Variants in HCN1 observed in about 807,000 individuals in gnomAD.
HCN1 encodes hyperpolarization activated cyclic nucleotide gated potassium channel 1.
HCN1 carries 13 observed loss-of-function variants against 78.9 expected under a neutral mutation model. The ratio of observed to expected loss-of-function variants is 0.16; its 90% CI spans 0.11 to 0.26. HCN1 has a LOEUF of 0.26. HCN1 is among the 10% of genes least tolerant of loss of function. The pLI, the probability that HCN1 is intolerant of heterozygous loss-of-function variation, is 1.00. For missense variants in HCN1, 810 were observed against 1,154.3 expected (o/e 0.70, Z 4.32); for synonymous variants, 552 against 455.5 (o/e 1.21, Z -2.70).
In HCN1 at chr5:45,588,290, C is replaced by T. The variant is rs373122919; in HGVS notation, c.849+56895G>A. On this transcript the variant is annotated intron_variant, in intron 2 of 7. Coordinates refer to ENST00000303230, the MANE Select transcript of HCN1 (RefSeq NM_021072.4). ...AGACACAATGAATTAATAAGTTTGT[C>T]CCCATAGGTAGAATCACAGTGAGTA... 9.9e-5 allele frequency among the ~76,000 whole-genome samples: 15 copies of T among 152,226 alleles called. No individual in the cohort carries two copies. The South Asian group carries it at 3.1e-3, about 32-fold the overall frequency.
At chr5:45,275,039 A>T (rs1009004775) in intron 6 of HCN1, among the ~76,000 whole-genome samples, 17 of 152,342 alleles carry the variant, frequency 1.1e-4, no homozygotes, top group African/African-American at 4.1e-4. Flanking sequence ...TGAGGTCAGG[A>T]GTTTAAGACC....
intron 5 of HCN1, among the ~76,000 whole-genome samples, chr5:45,338,135 G>A (rs1158504408): frequency 6.6e-6 from 1 of 152,090 alleles, no homozygotes; most frequent in Non-Finnish European, 1.5e-5. Context: ...ATAAAACATA[G>A]TACAGACTTA....
intron 2 of HCN1, among the ~76,000 whole-genome samples, chr5:45,517,578 TA>T (rs1428664731): frequency 2.3e-5 from 2 of 86,580 alleles, no homozygotes; most frequent in African/African-American, 4.5e-5. Flanking sequence ...ATTGCCAAGA[TA>T]AAAAAGCTGT....
At chr5:45,528,794 T>C (rs918610306) in intron 2 of HCN1, among the ~76,000 whole-genome samples, 15 of 152,098 alleles carry the variant, frequency 9.9e-5, no homozygotes, top group Admixed American at 7.2e-4. Flanking sequence ...ATTTTGAGTC[T>C]CAATCATAAG....
intron 2 of HCN1, among the ~76,000 whole-genome samples, chr5:45,639,422 T>A (rs564389388): frequency 3.9e-5 from 6 of 152,346 alleles, no homozygotes; most frequent in Admixed American, 3.3e-4. Context: ...TCCATATGCT[T>A]CATTTCATTT....
At chr5:45,664,665 AG>A (rs1388750541) in intron 1 of HCN1, among the ~76,000 whole-genome samples, 34 of 151,944 alleles carry the variant, frequency 2.2e-4, no homozygotes, top group Admixed American at 2.2e-3. Flanking sequence ...TCTCAAAAGA[AG>A]ACATTTATGC....
chr5:45,448,694 C>A (rs763301394), intron 3 of HCN1, among the ~76,000 whole-genome samples: 22 of 152,224 alleles, frequency 1.4e-4, no homozygotes, highest in Admixed American at 1.4e-3. Flanking sequence ...TCTCAGCTAC[C>A]TGAAATTATT....
intron 7 of HCN1, among the ~76,000 whole-genome samples, chr5:45,263,267 C>T (rs189133884): frequency 1.1e-4 from 16 of 151,932 alleles, no homozygotes; most frequent in Admixed American, 1.3e-4. Flanking sequence ...ATGTAACCCG[C>T]GACCCTGTCA....
chr5:45,469,144 A>G (rs1214458349), intron 2 of HCN1, among the ~76,000 whole-genome samples: 4 of 151,920 alleles, frequency 2.6e-5, no homozygotes, highest in Non-Finnish European at 2.9e-5. Context: ...ATCTACCCAA[A>G]TCTTTATAAT....
At chr5:45,380,924 A>C (rs546737819) in intron 4 of HCN1, among the ~76,000 whole-genome samples, 32 of 152,316 alleles carry the variant, frequency 2.1e-4, no homozygotes, top group African/African-American at 6.5e-4. Flanking sequence ...CTTCCAGAGA[A>C]AATGGCACAG....
rs1261289226 is a variant in HCN1, at chr5:45,260,410, GA to G, written c.*1510del. ...GCTCACAGATCATGTAAAGAGTTAA[GA>G]AAACAGACAGACAATGCTCATAGAC... On this transcript the variant is annotated 3_prime_UTR_variant, in exon 8 of 8. Transcript: ENST00000303230. 3.9e-5 allele frequency: 6 copies of G among 152,172 alleles called. No individual in the cohort carries two copies. The highest frequency in any genetic ancestry group is 3.3e-4 in the Admixed American group (5 of 15,282). 9.4% of individuals were successfully genotyped at this position (152,172 alleles called of 1,614,324 possible).
chr5:45,458,996 A>C (rs1741087404), intron 3 of HCN1, among the ~76,000 whole-genome samples: 1 of 152,172 alleles, frequency 6.6e-6, no homozygotes, highest in Non-Finnish European at 1.5e-5. Flanking sequence ...CCAAAACTCC[A>C]TAACTTTAGA....
chr5:45,394,094 A>G (rs1219413499), intron 4 of HCN1, among the ~76,000 whole-genome samples: 3 of 152,206 alleles, frequency 2.0e-5, no homozygotes, highest in African/African-American at 7.2e-5. Flanking sequence ...AAAACACTTG[A>G]AACAAATTCA....
chr5:45,496,186 C>T (rs1280916164), intron 2 of HCN1, among the ~76,000 whole-genome samples: 1 of 152,086 alleles, frequency 6.6e-6, no homozygotes, highest in African/African-American at 2.4e-5. Flanking sequence ...GTACCAGTTC[C>T]TCCTTGTACC....
chr5:45,620,627 G>A (rs376873007), intron 2 of HCN1, among the ~76,000 whole-genome samples: 7 of 151,670 alleles, frequency 4.6e-5, no homozygotes, highest in African/African-American at 1.2e-4. Context: ...ATTTACAGTC[G>A]AAAGGGAGGG....
intron 5 of HCN1, among the ~76,000 whole-genome samples, chr5:45,322,548 A>G (rs1746145660): frequency 6.6e-6 from 1 of 151,804 alleles, no homozygotes; most frequent in African/African-American, 2.4e-5. Flanking sequence ...AATCTTGGGG[A>G]TGGGATTCAA....
At chr5:45,427,162 G>A (rs1740368758) in intron 3 of HCN1, among the ~76,000 whole-genome samples, 1 of 151,982 alleles carries the variant, frequency 6.6e-6, no homozygotes, top group Non-Finnish European at 1.5e-5. Context: ...TTGGTCAGCT[G>A]TATTTTTCTT....
At chr5:45,376,685 A>G (rs933642233) in intron 4 of HCN1, among the ~76,000 whole-genome samples, 3 of 151,916 alleles carry the variant, frequency 2.0e-5, no homozygotes, top group African/African-American at 7.2e-5. Context: ...TTATATCTTC[A>G]TGAGGACCCT....
chr5:45,379,090 A>C (rs759023419), intron 4 of HCN1, among the ~76,000 whole-genome samples: 5 of 152,232 alleles, frequency 3.3e-5, no homozygotes, highest in Non-Finnish European at 4.4e-5. Context: ...ATGCGTGTGC[A>C]TGTGTCTTTA....
Sources: allele counts gnomAD v4.1 joint callset (sites outside exome capture counted in the v4.1 genomes callset), GRCh38; gene constraint gnomAD v4.1.1; transcripts MANE v1.5; gene names NCBI Gene and HGNC (gene_info 2026-07-23, HGNC 2026-07-21).